The following CDK14 variants were observed in gnomAD, a reference collection of about 807,000 sequenced individuals.
CDK14 encodes cyclin dependent kinase 14, also known as cyclin-dependent kinase 14.
Under a neutral mutation model 60.7 loss-of-function variants are expected in CDK14, and 34 were observed. The observed-to-expected ratio is 0.56, with a 90% CI of 0.43 to 0.75. The LOEUF is 0.75. CDK14 is among the 30% of genes least tolerant of loss of function. The pLI, the probability that CDK14 is intolerant of heterozygous loss-of-function variation, is 0.00. For synonymous variants in CDK14, 197 were observed against 203.7 expected (o/e 0.97, Z 0.28); for missense variants, 482 against 564.1 (o/e 0.85, Z 1.47).
intron 8 of CDK14, among the ~76,000 whole-genome samples, chr7:90,935,449 T>C (rs1486765326): frequency 6.6e-6 from 1 of 152,230 alleles, no homozygotes; most frequent in African/African-American, 2.4e-5. Flanking sequence ...AAATATATCT[T>C]TACATTATAC....
At chr7:90,812,695 G>T (rs1463601341) in intron 5 of CDK14, among the ~76,000 whole-genome samples, 1 of 152,128 alleles carries the variant, frequency 6.6e-6, no homozygotes, top group Non-Finnish European at 1.5e-5. Flanking sequence ...TAAAGGACAT[G>T]AAAATTAAAA....
intron 14 of CDK14, among the ~76,000 whole-genome samples, chr7:91,171,096 T>C (rs1286804024): frequency 3.3e-5 from 5 of 152,078 alleles, no homozygotes; most frequent in Admixed American, 2.0e-4. Flanking sequence ...ACACCTGTAA[T>C]CCCAGCACTG....
At chr7:90,923,037 G>T (rs1793297793) in intron 8 of CDK14, among the ~76,000 whole-genome samples, 1 of 151,658 alleles carries the variant, frequency 6.6e-6, no homozygotes, top group Non-Finnish European at 1.5e-5. Flanking sequence ...TTACATTAGG[G>T]TGACATTTGT....
intron 5 of CDK14, among the ~76,000 whole-genome samples, chr7:90,815,345 A>T (rs117542056): frequency 1.3e-5 from 2 of 152,250 alleles, no homozygotes; most frequent in Non-Finnish European, 2.9e-5. Flanking sequence ...CATTATATAA[A>T]TGTAAATCAA....
Position 91,112,822 on chromosome 7 carries a change from GGTGTGTGT to G in CDK14, c.1294+158_1294+165del, listed in dbSNP as rs112066860. On this transcript the variant is annotated intron_variant, in intron 13 of 14. Transcript: ENST00000380050. ...AATGTATGTTTGTATGTGCATTACA[GGTGTGTGT>G]GTGTGTGTGTGTGTGTATGTGTGGA... 80 of 688,508 alleles carry G rather than the reference GGTGTGTGT, an allele frequency of 1.2e-4. No homozygotes were observed. In the African/African-American group the frequency reaches 1.4e-3, roughly 12 times the overall value. 42.6% of individuals were successfully genotyped at this position (688,508 alleles called of 1,614,324 possible).
At chr7:91,110,981 A>G (rs973370375) in intron 12 of CDK14, among the ~76,000 whole-genome samples, 12 of 152,166 alleles carry the variant, frequency 7.9e-5, no homozygotes, top group Non-Finnish European at 1.0e-4. Context: ...GCCCTCTTAA[A>G]GGGGAAAAAA....
intron 5 of CDK14, among the ~76,000 whole-genome samples, chr7:90,799,517 G>A (rs936786793): frequency 3.3e-5 from 5 of 151,674 alleles, no homozygotes; most frequent in Admixed American, 2.0e-4. Flanking sequence ...GCAAAACCCC[G>A]TGTCTACTAA....
chr7:91,154,177 T>C (rs929435642), intron 14 of CDK14, among the ~76,000 whole-genome samples: 2 of 152,080 alleles, frequency 1.3e-5, no homozygotes, highest in Non-Finnish European at 2.9e-5. Context: ...GCTTTTTTTT[T>C]TTAAACAGAA....
chr7:90,723,584 A>G (rs1188953224), intron 2 of CDK14, among the ~76,000 whole-genome samples: 2 of 152,142 alleles, frequency 1.3e-5, no homozygotes, highest in African/African-American at 4.8e-5. Flanking sequence ...GCGGTATCCT[A>G]TGATTTTTGC....
At chr7:91,096,967 A>T (rs1428250462) in intron 12 of CDK14, among the ~76,000 whole-genome samples, 2 of 152,252 alleles carry the variant, frequency 1.3e-5, no homozygotes, top group South Asian at 2.1e-4. Flanking sequence ...CCTCAACAGG[A>T]TACAGCATTT....
At chr7:90,833,780 C>T (rs781387001) in intron 5 of CDK14, among the ~76,000 whole-genome samples, 223 of 152,206 alleles carry the variant, frequency 1.5e-3, no homozygotes, top group Non-Finnish European at 2.2e-3. Flanking sequence ...CTTCTACTTT[C>T]GAAGCTGGCA....
chr7:90,794,822 G>C (rs1805987287), intron 5 of CDK14, among the ~76,000 whole-genome samples: 1 of 152,162 alleles, frequency 6.6e-6, no homozygotes, highest in Non-Finnish European at 1.5e-5. Context: ...GTATTGATTG[G>C]GGAAGTGATA....
At chr7:91,017,162 T>C (rs536777864) in intron 10 of CDK14, among the ~76,000 whole-genome samples, 1 of 152,336 alleles carries the variant, frequency 6.6e-6, no homozygotes, top group African/African-American at 2.4e-5. Flanking sequence ...ATTTCACTTT[T>C]TAAGAGTGAT....
chr7:90,601,858 T>C (rs1291503242), intron 1 of CDK14, among the ~76,000 whole-genome samples: 2 of 151,814 alleles, frequency 1.3e-5, no homozygotes, highest in African/African-American at 4.9e-5. Flanking sequence ...GCTCAAGTGA[T>C]CCTCCCACCT....
chr7:91,011,590 T>C (rs575583639), intron 10 of CDK14, among the ~76,000 whole-genome samples: 1 of 152,276 alleles, frequency 6.6e-6, no homozygotes, highest in African/African-American at 2.4e-5. Context: ...TTTGGGCAAG[T>C]TCATTGACTG....
chr7:90,702,600 C>T (rs1801807282), intron 2 of CDK14, among the ~76,000 whole-genome samples: 1 of 151,884 alleles, frequency 6.6e-6, no homozygotes. Context: ...ATTTTAATTT[C>T]AGTTTTTAAT....
rs147341392 is a variant in CDK14 at position 91,187,674 on chromosome 7, C to G, written c.*29-19491C>G. ...GAAAGAGAAAGGAGAACAGCTCTCC[C>G]CCTTGCCAGAGAGAGATGGGCTCCT... On this transcript the variant is annotated intron_variant, in intron 14 of 14. Transcript: ENST00000380050. Among the ~76,000 whole-genome samples the G allele has an allele frequency of 1.6e-3, 236 of 152,228 alleles. 1 individual carries two copies. Among genetic ancestry groups the G allele is most frequent in the African/African-American group, 4.3e-3 (178 of 41,544 alleles).
intron 2 of CDK14, among the ~76,000 whole-genome samples, chr7:90,667,965 T>C (rs913240257): frequency 1.3e-5 from 2 of 152,220 alleles, no homozygotes; most frequent in African/African-American, 4.8e-5. Flanking sequence ...TGTTTCCACT[T>C]TTTGGCTATT....
chr7:90,663,101 CACACACACA>C (rs1269546655), intron 2 of CDK14, among the ~76,000 whole-genome samples: 118 of 146,090 alleles, frequency 8.1e-4, no homozygotes, highest in South Asian at 4.1e-3. Flanking sequence ...TGGGAACACA[CACACACACA>C]CACACACACA....
Sources: allele counts gnomAD v4.1 joint callset (sites outside exome capture counted in the v4.1 genomes callset), GRCh38; gene constraint gnomAD v4.1.1; transcripts MANE v1.5; gene names NCBI Gene and HGNC (gene_info 2026-07-23, HGNC 2026-07-21).